The following TRPC3 variants were observed in gnomAD, a reference collection of about 807,000 sequenced individuals.
TRPC3 encodes short transient receptor potential channel 3.
In TRPC3, 54 loss-of-function variants were observed where a neutral mutation model predicts 90.9. The ratio of observed to expected loss-of-function variants is 0.59; its 90% CI spans 0.48 to 0.75. The LOEUF is 0.75. Ranked by LOEUF, TRPC3 falls within the 30% of genes least tolerant of loss-of-function variation. The pLI, the probability that TRPC3 is intolerant of heterozygous loss-of-function variation, is 0.00. For missense variants in TRPC3, 918 were observed against 1,194.5 expected, an observed-to-expected ratio of 0.77 and a Z score of 3.41; for synonymous variants, 424 against 450.9, an observed-to-expected ratio of 0.94 and a Z score of 0.75.
intron 3 of TRPC3, among the ~76,000 whole-genome samples, chr4:121,921,521 CAAAAAAAA>C (rs536564094): frequency 3.5e-5 from 2 of 56,940 alleles, no homozygotes; most frequent in African/African-American, 1.2e-4. Context: ...GACTCCGTCT[CAAAAAAAA>C]AAAAAAAAAA....
Position 121,925,074 on chromosome 4 carries a change from T to C in TRPC3, c.1120A>G (p.Arg374Gly), listed in dbSNP as rs760782509. 2.5e-6 allele frequency: 4 copies of C among 1,614,072 alleles called. No homozygotes were observed. The South Asian group carries it at 4.4e-5, about 18-fold the overall frequency. Reference protein sequence around the residue: ...LESAEPLEVHRHKASLSRVKL... With the variant: ...LESAEPLEVHGHKASLSRVKL... ...ACACGACTTAATGAAGCTTTGTGCCTGTGTACCTCCAGAGGCTCTGCTGAT... is the reference window on the plus strand; with the variant it reads ...ACACGACTTAATGAAGCTTTGTGCCCGTGTACCTCCAGAGGCTCTGCTGAT... Residue 374 changes from arginine (R) to glycine (G), a missense_variant, in exon 3 of 12, where the codon AGG becomes GGG. By Grantham distance (125) the Arg-to-Gly change is moderately radical. This residue lies in a region of TRPC3 where 609 missense variants were observed against 725.9 expected (regional missense o/e 0.84). Transcript: ENST00000379645.
intron 10 of TRPC3, among the ~76,000 whole-genome samples, chr4:121,890,062 A>G (rs1278895923): frequency 6.6e-6 from 1 of 152,254 alleles, no homozygotes; most frequent in Non-Finnish European, 1.5e-5. Flanking sequence ...TAAGCCAGGT[A>G]CAGAAAGGCA....
chr4:121,910,153 C>A lies in TRPC3; in HGVS notation c.1792+1G>T. On this transcript the variant is annotated splice_donor_variant, in intron 6 of 11. Coordinates refer to ENST00000379645, the MANE Select transcript of TRPC3 (RefSeq NM_001130698.2). LOFTEE classifies it high-confidence loss of function. ...AGGGGACCCTGAAGCTAACAACTTACCATAAGTGAAATACTGTATCTCTGG... is the reference window on the plus strand; with the variant it reads ...AGGGGACCCTGAAGCTAACAACTTAACATAAGTGAAATACTGTATCTCTGG... The A allele has an allele frequency of 6.2e-7, 1 of 1,612,748 alleles. No individual in the cohort carries two copies. The highest frequency in any genetic ancestry group is 8.5e-7 in the Non-Finnish European group (1 of 1,179,024).
Position 121,932,625 on chromosome 4 carries a change from A to C in TRPC3, c.633T>G (p.Cys211Trp). 6.2e-7 allele frequency: 1 copy of C among 1,613,700 alleles called. No homozygotes were observed. Among genetic ancestry groups the C allele is most frequent in the Non-Finnish European group, 8.5e-7 (1 of 1,179,688 alleles). Residue 211 changes from cysteine to tryptophan, a missense_variant, in exon 2 of 12, where the codon TGT (cysteine) becomes TGG (tryptophan). This residue lies in a region of TRPC3 where 609 missense variants were observed against 725.9 expected (regional missense o/e 0.84). Coordinates refer to ENST00000379645, the MANE Select transcript of TRPC3 (RefSeq NM_001130698.2). This position sits in a 1 kb window ranked among gnomAD's most constrained non-coding sequence, Gnocchi z 7.7. ...AGTCGTCGTCCTGCAGCTCCTGCTCACAGGGGCTCAGAGTGAGACGCTTGC... is the reference window on the plus strand; with the variant it reads ...AGTCGTCGTCCTGCAGCTCCTGCTCCCAGGGGCTCAGAGTGAGACGCTTGC... The part of the protein sequence containing the change: ...AASKRLTLSP[C>W]EQELQDDDFY...
Position 121,904,363 on chromosome 4 carries a change from T to C in TRPC3, c.2212A>G (p.Met738Val). The change falls in exon 8 of 12, where the codon ATG becomes GTG. Residue 738 changes from methionine to valine, a missense_variant. Physicochemically the swap from Met to Val is conservative, Grantham distance 21 (BLOSUM62 1). Coordinates refer to ENST00000379645, the MANE Select transcript of TRPC3 (RefSeq NM_001130698.2). ...GAGCTATTAATCATAGCAATTAGCATGTTGAGTAAAACGACCACCATAGTT... is the reference window on the plus strand; with the variant it reads ...GAGCTATTAATCATAGCAATTAGCACGTTGAGTAAAACGACCACCATAGTT... ...NVTMVVVLLN[M>V]LIAMINSSYQ... is the part of the protein sequence containing the mutation. The C allele has an allele frequency of 6.3e-7, 1 of 1,598,472 alleles. No individual in the cohort carries two copies. Among genetic ancestry groups the C allele is most frequent in the Non-Finnish European group, 8.5e-7 (1 of 1,176,280 alleles).
At chr4:121,942,743 CT>C in intron 1 of TRPC3, among the ~76,000 whole-genome samples, 2 of 152,308 alleles carry the variant, frequency 1.3e-5, no homozygotes, top group South Asian at 4.1e-4. Flanking sequence ...ATGAGTAGCT[CT>C]TTGCCAGATT....
intron 3 of TRPC3, among the ~76,000 whole-genome samples, chr4:121,921,772 C>T (rs73847214): frequency 2.0e-5 from 3 of 151,852 alleles, no homozygotes; most frequent in African/African-American, 4.8e-5. Flanking sequence ...TAACCCAAGA[C>T]GTGGTTTTGC....
chr4:121,898,614 A>G (rs1728597492), intron 10 of TRPC3, among the ~76,000 whole-genome samples: 1 of 152,162 alleles, frequency 6.6e-6, no homozygotes, highest in South Asian at 2.1e-4. Flanking sequence ...CTATAGCATG[A>G]CCATAGTTAA....
chr4:121,932,562 C>G lies in TRPC3; in HGVS notation c.696G>C (p.Pro232=), dbSNP rs201241970. Residue 232 remains proline, a synonymous_variant, in exon 2 of 12, where the codon CCG becomes CCC. Transcript: ENST00000379645. The surrounding 1 kb of genome is among the most constrained non-coding windows in gnomAD (Gnocchi z 7.7). ...CCGCCAGGATGATGGGGGTGATGTC[C>G]GGCGAGAAGCGCGTGCCGTCCTCGT... ...AYDEDGTRFS[P]DITPIILAAH... 5 of 1,614,220 alleles carry G rather than the reference C, an allele frequency of 3.1e-6. No homozygotes were observed. The highest frequency in any genetic ancestry group is 4.2e-6 in the Non-Finnish European group (5 of 1,180,034).
chr4:121,893,483 G>A (rs939431360), intron 10 of TRPC3, among the ~76,000 whole-genome samples: 12 of 152,102 alleles, frequency 7.9e-5, no homozygotes, highest in Middle Eastern at 6.8e-3. Flanking sequence ...CCATCCTACA[G>A]GTTAAATGAA....
At chr4:121,912,533 C>T (rs1729144823) in intron 4 of TRPC3, among the ~76,000 whole-genome samples, 1 of 151,770 alleles carries the variant, frequency 6.6e-6, no homozygotes, top group Admixed American at 6.6e-5. Flanking sequence ...CCTTAAAAAC[C>T]CTTTGAAGAT....
At chr4:121,903,097 A>T in intron 8 of TRPC3, 36 bp from the exon 9 acceptor site, 1 of 1,550,192 alleles carries the variant, frequency 6.5e-7, no homozygotes, top group South Asian at 1.2e-5. Flanking sequence ...ACTAATTTTA[A>T]ATGCTAAATA....
At chr4:121,919,127 T>C (rs572194329) in intron 3 of TRPC3, among the ~76,000 whole-genome samples, 1 of 152,342 alleles carries the variant, frequency 6.6e-6, no homozygotes, top group East Asian at 1.9e-4. Context: ...ACAATCAGCA[T>C]TGAGAACAAC....
chr4:121,879,249 A>AAT lies in TRPC3; in HGVS notation c.*486_*487insAT, dbSNP rs1241643567. 1.3e-5 allele frequency: 2 copies of AAT among 149,254 alleles called. No individual in the cohort carries two copies. Among genetic ancestry groups the AAT allele is most frequent in the Non-Finnish European group, 3.0e-5 (2 of 67,614 alleles). 9.2% of individuals were successfully genotyped at this position (149,254 alleles called of 1,614,324 possible). A position where few individuals can be genotyped will look rare whatever the true frequency, so the allele number is the denominator to read the frequency against. The stretch of plus-strand genomic sequence containing the variant: ...TTTCTATTAAAAAAAAAAAAAAAAA[A>AAT]CCTCTTCAGAACTTGGACAAGGGAA... On this transcript the variant is annotated 3_prime_UTR_variant, in exon 12 of 12. Coordinates refer to ENST00000379645, the MANE Select transcript of TRPC3 (RefSeq NM_001130698.2).
At chr4:121,902,737 G>T in intron 9 of TRPC3, 115 bp downstream of exon 9, 1 of 783,680 alleles carries the variant, frequency 1.3e-6, no homozygotes, top group South Asian at 1.9e-5. Context: ...GGACTAGACA[G>T]TTACTTTTAA....
At chr4:121,913,336 T>C (rs1339719821) in intron 4 of TRPC3, among the ~76,000 whole-genome samples, 1 of 152,178 alleles carries the variant, frequency 6.6e-6, no homozygotes. Context: ...AGAATGCCAA[T>C]CTCAAAAATG....
intron 10 of TRPC3, among the ~76,000 whole-genome samples, chr4:121,895,470 C>T (rs1168463164): frequency 1.3e-5 from 2 of 151,434 alleles, no homozygotes; most frequent in Admixed American, 6.6e-5. Context: ...AGAGATATGA[C>T]TCAAATAAAT....
chr4:121,933,566 T>C (rs1422456171), intron 1 of TRPC3: 1 of 152,226 alleles, frequency 6.6e-6, no homozygotes, highest in African/African-American at 2.4e-5. Flanking sequence ...AGGCCAAGTA[T>C]CATGTTGCAG....
intron 1 of TRPC3, among the ~76,000 whole-genome samples, chr4:121,941,778 T>G (rs1730323475): frequency 6.6e-6 from 1 of 152,346 alleles, no homozygotes; most frequent in African/African-American, 2.4e-5. Flanking sequence ...TCTGACAGTC[T>G]TAATAATATC....
Sources: gnomAD v4.1 joint callset for allele counts (sites outside exome capture counted in the v4.1 genomes callset) on GRCh38, gnomAD v4.1.1 for gene constraint, gnomAD v4.1.1 regional missense constraint, Gnocchi (gnomAD v3.1) non-coding constraint, MANE v1.5 for transcripts, NCBI Gene and HGNC (gene_info 2026-07-23, HGNC 2026-07-21) for gene names.